The following GALK2 variants were observed in gnomAD, a reference collection of about 807,000 sequenced individuals.
GALK2 encodes the protein galactokinase 2.
Under a neutral mutation model 52.4 loss-of-function variants are expected in GALK2, and 36 were observed. That is an observed-to-expected ratio of 0.69 (90% CI 0.53 to 0.91). The LOEUF is 0.91. Among genes scored for constraint, GALK2 ranks in the 40% least tolerant of loss-of-function variants. GALK2 has a pLI of 0.00. For synonymous variants in GALK2, 176 were observed against 199.1 expected (o/e 0.88, Z 0.98); for missense variants, 579 against 559.1 (o/e 1.04, Z -0.36).
At chr15:49,354,931 C>T (rs1229389066) in intron 3 of GALK2, among the ~76,000 whole-genome samples, 2 of 151,952 alleles carry the variant, frequency 1.3e-5, no homozygotes, top group Non-Finnish European at 2.9e-5. Flanking sequence ...GGTCCCTGAC[C>T]CCTGACCCTC....
At chr15:49,189,658 C>T (rs555478928) in intron 1 of GALK2, among the ~76,000 whole-genome samples, 2 of 152,150 alleles carry the variant, frequency 1.3e-5, no homozygotes, top group East Asian at 3.9e-4. Flanking sequence ...AACACAAGCA[C>T]TGCAATATAG....
rs1189228900 is a variant in GALK2, at chr15:49,264,624, G to A, written c.505-17363G>A. Among the ~76,000 whole-genome samples, 8 of 152,162 alleles carry A rather than the reference G, an allele frequency of 5.3e-5. No homozygotes were observed. In the South Asian group the frequency reaches 6.2e-4, roughly 12 times the overall value. ...TGTTCCATTGCTGGTGAGGAACTGC[G>A]TTCCTTTGGAGGAGGAGAGGCGCTC... On this transcript the variant is annotated intron_variant, in intron 5 of 9. Coordinates refer to ENST00000560031, the MANE Select transcript of GALK2 (RefSeq NM_002044.4).
chr15:49,156,031 A>G (rs2084435362), intron 1 of GALK2: 10 of 1,614,004 alleles, frequency 6.2e-6, no homozygotes, highest in Middle Eastern at 3.3e-4. Flanking sequence ...TATTTCTGCT[A>G]TCATTGTACG....
At chr15:49,324,098 C>T (rs957834075) in intron 9 of GALK2, among the ~76,000 whole-genome samples, 7 of 152,238 alleles carry the variant, frequency 4.6e-5, no homozygotes. Context: ...TTACTTAAGA[C>T]AAAATGGTTA....
At chr15:49,251,002 A>C (rs2091571465) in intron 5 of GALK2, among the ~76,000 whole-genome samples, 1 of 152,194 alleles carries the variant, frequency 6.6e-6, no homozygotes, top group South Asian at 2.1e-4. Flanking sequence ...CAAAAGTAGC[A>C]TATACAAATT....
At chr15:49,230,659 C>T (rs114056656) in intron 3 of GALK2, among the ~76,000 whole-genome samples, 1 of 152,174 alleles carries the variant, frequency 6.6e-6, no homozygotes, top group Non-Finnish European at 1.5e-5. Flanking sequence ...TACCCCAGAT[C>T]CAGACACACA....
intron 5 of GALK2, among the ~76,000 whole-genome samples, chr15:49,261,509 G>A (rs546397392): frequency 6.6e-5 from 10 of 152,266 alleles, no homozygotes; most frequent in Admixed American, 1.3e-4. Flanking sequence ...CATGTCATCC[G>A]CAAACAGGGA....
Position 49,329,998 on chromosome 15 carries a change from G to A in GALK2, c.*1839G>A, listed in dbSNP as rs1240218615. ...GATTTCTCTCGATAAAAAGAACTAT[G>A]TTTCAGTCTTACTATCACTGTGTGG... On this transcript the variant is annotated 3_prime_UTR_variant, in exon 10 of 10. Transcript: ENST00000560031. The A allele has an allele frequency of 1.6e-4, 25 of 154,054 alleles. No individual in the cohort carries two copies. Among genetic ancestry groups the A allele is most frequent in the Admixed American group, 1.5e-3 (23 of 15,270 alleles). 9.5% of individuals were successfully genotyped at this position (154,054 alleles called of 1,614,324 possible). A position where few individuals can be genotyped will look rare whatever the true frequency, so the allele number is the denominator to read the frequency against.
chr15:49,277,090 C>T (rs1220230199), intron 5 of GALK2, among the ~76,000 whole-genome samples: 1 of 141,728 alleles, frequency 7.1e-6, no homozygotes, highest in Non-Finnish European at 1.5e-5. Context: ...TCTCCTGCCT[C>T]AGCCACTCGA....
intron 8 of GALK2, among the ~76,000 whole-genome samples, chr15:49,298,545 G>A (rs2141850786): frequency 6.6e-6 from 1 of 152,188 alleles, no homozygotes; most frequent in African/African-American, 2.4e-5. Flanking sequence ...GTTGACTGTG[G>A]GTTTGTTATA....
At chr15:49,280,492 C>T (rs2032529225) in intron 5 of GALK2, among the ~76,000 whole-genome samples, 1 of 152,068 alleles carries the variant, frequency 6.6e-6, no homozygotes, top group African/African-American at 2.4e-5. Context: ...TTAGGATTTA[C>T]AGGAGGAGTG....
chr15:49,265,203 C>G (rs2092312292), intron 5 of GALK2, among the ~76,000 whole-genome samples: 1 of 152,320 alleles, frequency 6.6e-6, no homozygotes, highest in East Asian at 1.9e-4. Flanking sequence ...GGCAGGCCTC[C>G]TTGAGCTGTG....
intron 9 of GALK2, among the ~76,000 whole-genome samples, chr15:49,322,120 TGG>T (rs1477894128): frequency 2.0e-5 from 3 of 152,256 alleles, no homozygotes; most frequent in African/African-American, 7.2e-5. Flanking sequence ...ATGTCTTAAA[TGG>T]GTTTGGAAGA....
intron 5 of GALK2, among the ~76,000 whole-genome samples, chr15:49,276,645 G>T (rs2031710998): frequency 6.6e-6 from 1 of 152,138 alleles, no homozygotes; most frequent in Non-Finnish European, 1.5e-5. Flanking sequence ...GACAGAAAAA[G>T]CATGAATAGA....
chr15:49,270,931 G>A (rs1174097294), intron 5 of GALK2, among the ~76,000 whole-genome samples: 4 of 152,104 alleles, frequency 2.6e-5, no homozygotes, highest in African/African-American at 9.7e-5. Flanking sequence ...AAATCCTGCA[G>A]TTAGGACCTC....
chr15:49,236,059 C>G (rs1484837913), intron 4 of GALK2, 118 bp downstream of exon 4: 12 of 684,868 alleles, frequency 1.8e-5, no homozygotes, highest in Non-Finnish European at 2.5e-5. Flanking sequence ...TGCTTCTGTT[C>G]TATTTTGCTA....
At chr15:49,190,003 C>T (rs1481753345) in intron 1 of GALK2, among the ~76,000 whole-genome samples, 6 of 152,080 alleles carry the variant, frequency 3.9e-5, no homozygotes, top group South Asian at 2.1e-4. Flanking sequence ...TACTTATTGC[C>T]TCTTTAATCT....
At chr15:49,189,424 G>A (rs1411086959) in intron 1 of GALK2, among the ~76,000 whole-genome samples, 5 of 152,092 alleles carry the variant, frequency 3.3e-5, no homozygotes, top group African/African-American at 1.2e-4. Context: ...TACATCCCAA[G>A]ACCCCTCAGT....
At chr15:49,265,222 C>T (rs561885970) in intron 5 of GALK2, among the ~76,000 whole-genome samples, 80 of 152,314 alleles carry the variant, frequency 5.3e-4, no homozygotes, top group Non-Finnish European at 9.4e-4. Flanking sequence ...TGGTGGGCTC[C>T]ACCCAGTTCT....
Sources: allele counts gnomAD v4.1 joint callset (sites outside exome capture counted in the v4.1 genomes callset), GRCh38; gene constraint gnomAD v4.1.1; transcripts MANE v1.5; gene names NCBI Gene and HGNC (gene_info 2026-07-23, HGNC 2026-07-21).